ATP8A2: variants seen among roughly 807,000 people sequenced by gnomAD.
The protein encoded by ATP8A2 is ATPase phospholipid transporting 8A2, also known as phospholipid-transporting ATPase IB.
ATP8A2 carries 100 observed loss-of-function variants against 165.6 expected under a neutral mutation model. The ratio of observed to expected loss-of-function variants is 0.60; its 90% CI spans 0.51 to 0.71. ATP8A2 has a LOEUF of 0.71. Among genes scored for constraint, ATP8A2 ranks in the 30% least tolerant of loss-of-function variants. The pLI, the probability that ATP8A2 is intolerant of heterozygous loss-of-function variation, is 0.00. For synonymous variants in ATP8A2, 543 were observed against 548.8 expected (o/e 0.99, Z 0.15); for missense variants, 1,227 against 1,479.5 (o/e 0.83, Z 2.80).
chr13:25,575,483 C>G (rs1229965851), intron 19 of ATP8A2, among the ~76,000 whole-genome samples: 3 of 152,198 alleles, frequency 2.0e-5, no homozygotes, highest in African/African-American at 7.2e-5. Context: ...ATGGAATTGT[C>G]AGTACTAAAG....
intron 1 of ATP8A2, among the ~76,000 whole-genome samples, chr13:25,427,512 A>G (rs563621116): frequency 1.3e-5 from 2 of 152,300 alleles, no homozygotes; most frequent in Admixed American, 6.5e-5. Context: ...ATTGTCTTAC[A>G]TGAAAGTGGT....
intron 25 of ATP8A2, among the ~76,000 whole-genome samples, chr13:25,731,064 G>A (rs4770866): frequency 0.85 from 121,300 of 143,412 alleles, 51,627 homozygotes; most frequent in Middle Eastern, 0.9. Context: ...CAAAAAAGAA[G>A]GAGAGGGGAG....
At chr13:25,586,258 C>T (rs947063402) in intron 23 of ATP8A2, among the ~76,000 whole-genome samples, 1 of 152,126 alleles carries the variant, frequency 6.6e-6, no homozygotes, top group African/African-American at 2.4e-5. Flanking sequence ...TTGTAAAGGA[C>T]CAGGGAAGTC....
chr13:25,513,002 C>G (rs868462062), intron 2 of ATP8A2, among the ~76,000 whole-genome samples: 2 of 123,918 alleles, frequency 1.6e-5, no homozygotes, highest in African/African-American at 5.8e-5. Context: ...GCTGGCCGGG[C>G]GGGGGGCTGA....
intron 32 of ATP8A2, among the ~76,000 whole-genome samples, chr13:25,861,479 A>T (rs1165036056): frequency 1.3e-5 from 2 of 152,200 alleles, no homozygotes; most frequent in African/African-American, 4.8e-5. Flanking sequence ...AAAGATTATA[A>T]CTAAAGCTTC....
At chr13:26,013,424 T>C (rs960263566) in intron 36 of ATP8A2, among the ~76,000 whole-genome samples, 4 of 152,180 alleles carry the variant, frequency 2.6e-5, no homozygotes, top group African/African-American at 9.7e-5. Flanking sequence ...CCTGTAATCC[T>C]AGAACTTTCG....
intron 24 of ATP8A2, among the ~76,000 whole-genome samples, chr13:25,663,445 G>A (rs900522158): frequency 2.0e-5 from 3 of 152,136 alleles, no homozygotes; most frequent in African/African-American, 7.2e-5. Context: ...AAATGAACTA[G>A]AGTACAAATG....
chr13:25,590,074 C>T (rs1303802975), intron 24 of ATP8A2, among the ~76,000 whole-genome samples: 1 of 152,174 alleles, frequency 6.6e-6, no homozygotes, highest in Admixed American at 6.5e-5. Flanking sequence ...GTATGATTTT[C>T]TTTCTAGCAC....
At chr13:25,385,333 G>C (rs986450622) in intron 1 of ATP8A2, among the ~76,000 whole-genome samples, 1 of 152,088 alleles carries the variant, frequency 6.6e-6, no homozygotes, top group Non-Finnish European at 1.5e-5. Context: ...TTTTGATCCT[G>C]GCACTTACTA....
intron 35 of ATP8A2, among the ~76,000 whole-genome samples, chr13:25,982,131 C>T (rs367826248): frequency 6.6e-6 from 1 of 152,128 alleles, no homozygotes; most frequent in Non-Finnish European, 1.5e-5. Context: ...TGATCTGTTG[C>T]CCAGACCTTT....
intron 26 of ATP8A2, among the ~76,000 whole-genome samples, chr13:25,769,561 T>C (rs2044572971): frequency 1.3e-5 from 2 of 152,208 alleles, no homozygotes; most frequent in African/African-American, 4.8e-5. Flanking sequence ...CTGCATGGCT[T>C]TTTCTGCTGC....
At chr13:25,761,319 C>T (rs2138247516) in intron 25 of ATP8A2, among the ~76,000 whole-genome samples, 1 of 152,210 alleles carries the variant, frequency 6.6e-6, no homozygotes, top group Admixed American at 6.5e-5. Context: ...GTTTTATCAC[C>T]AATAATGAGA....
intron 25 of ATP8A2, among the ~76,000 whole-genome samples, chr13:25,731,451 A>G (rs1487065962): frequency 6.6e-6 from 1 of 152,172 alleles, no homozygotes; most frequent in Non-Finnish European, 1.5e-5. Context: ...AGCCATAACA[A>G]TTAAAATATT....
At chr13:25,828,048 A>G (rs1951364968) in intron 27 of ATP8A2, 70 bp from the exon 28 acceptor site, 1 of 1,244,538 alleles carries the variant, frequency 8.0e-7, no homozygotes, top group African/African-American at 1.5e-5. Flanking sequence ...CATTCCCGCT[A>G]CTTCTTCAGT....
intron 35 of ATP8A2, among the ~76,000 whole-genome samples, chr13:25,975,666 T>C (rs1034554032): frequency 2.6e-5 from 4 of 152,228 alleles, no homozygotes; most frequent in Non-Finnish European, 5.9e-5. Flanking sequence ...TAAGCTCTTA[T>C]GAAATCATTG....
intron 27 of ATP8A2, among the ~76,000 whole-genome samples, chr13:25,811,446 A>ATGTGTATG (rs1239109405): frequency 1.3e-5 from 2 of 152,216 alleles, no homozygotes; most frequent in African/African-American, 2.4e-5. Flanking sequence ...CGTGTGTGTT[A>ATGTGTATG]TGTGTATGTA....
intron 30 of ATP8A2, among the ~76,000 whole-genome samples, chr13:25,855,167 C>T (rs1359205550): frequency 1.3e-5 from 2 of 151,640 alleles, no homozygotes; most frequent in Non-Finnish European, 2.9e-5. Flanking sequence ...AAGAGAATCG[C>T]TTGAACCCAG....
chr13:25,446,892 G>A (rs1235155109), intron 1 of ATP8A2, among the ~76,000 whole-genome samples: 1 of 152,030 alleles, frequency 6.6e-6, no homozygotes, highest in Non-Finnish European at 1.5e-5. Flanking sequence ...GTCTTGCTCT[G>A]TCATCCAGGC....
intron 13 of ATP8A2, among the ~76,000 whole-genome samples, chr13:25,555,539 A>G (rs923611350): frequency 6.6e-6 from 1 of 152,166 alleles, no homozygotes; most frequent in African/African-American, 2.4e-5. Context: ...TCTTGCCTTT[A>G]CTAAGTTGGG....
Sources: allele counts gnomAD v4.1 joint callset (sites outside exome capture counted in the v4.1 genomes callset), GRCh38; gene constraint gnomAD v4.1.1; transcripts MANE v1.5; gene names NCBI Gene and HGNC (gene_info 2026-07-23, HGNC 2026-07-21).